The following TK1 variants were observed in gnomAD, a reference collection of about 807,000 sequenced individuals.
The protein encoded by TK1 is thymidine kinase, cytosolic.
In TK1, 13 loss-of-function variants were observed where a neutral mutation model predicts 22.4. That is an observed-to-expected ratio of 0.58 (90% confidence interval 0.38 to 0.92). The LOEUF (loss-of-function observed/expected upper bound fraction) is 0.92, where lower values mean the gene tolerates loss of function less well. Among genes scored for constraint, TK1 ranks in the 40% least tolerant of loss-of-function variants. TK1 has a pLI of 0.00. For missense variants in TK1, 251 were observed against 315.7 expected (o/e 0.80, Z 1.55); for synonymous variants, 134 against 125.4 (o/e 1.07, Z -0.46).
At chr17:78,175,800 C>T (rs887551684) in intron 4 of TK1, among the ~76,000 whole-genome samples, 182 bp from the exon 5 acceptor site, 3 of 152,174 alleles carry the variant, frequency 2.0e-5, no homozygotes, top group Admixed American at 6.5e-5. Context: ...CCCCAGCAGA[C>T]GACAGGTACA....
Position 78,174,823 on chromosome 17 carries a change from TC to T in TK1, c.640del (p.Glu214LysfsTer87), listed in dbSNP as rs1567829594. On this transcript the variant is annotated frameshift_variant, in exon 7 of 7. Coordinates refer to ENST00000301634, the MANE Select transcript of TK1 (RefSeq NM_003258.5). LOFTEE classifies it high-confidence loss of function. ...ENCPVPGKPG[E>X]AVAARKLFAP... Reference sequence around the variant, plus strand: ...AAAGAGCTTCCTGGCAGCCACGGCTTCCCCTGGCTTTCCTGGCACTGGGCAG... The same window carrying T: ...AAAGAGCTTCCTGGCAGCCACGGCTTCCCTGGCTTTCCTGGCACTGGGCAG... 1 of 1,613,340 alleles carries T rather than the reference TC, an allele frequency of 6.2e-7. No homozygotes were observed. The highest frequency in any genetic ancestry group is 8.5e-7 in the Non-Finnish European group (1 of 1,179,652).
In TK1 at chr17:78,174,415, G is replaced by GA; in HGVS notation, c.*343dup. On this transcript the variant is annotated 3_prime_UTR_variant, in exon 7 of 7. Transcript: ENST00000301634. ...CCAGGGAGAACAGAAACTCAGCAGT[G>GA]AAAGCCGCAGAGGGGAAGAAGCAGG... The GA allele has an allele frequency of 3.7e-6, 1 of 271,962 alleles. No individual in the cohort carries two copies. 16.8% of individuals were successfully genotyped at this position (271,962 alleles called of 1,614,324 possible).
chr17:78,175,792 C>G (rs1049695482), intron 4 of TK1, among the ~76,000 whole-genome samples, 174 bp from the exon 5 acceptor site: 9 of 152,178 alleles, frequency 5.9e-5, no homozygotes, highest in Non-Finnish European at 1.3e-4. Context: ...CGCACGCCCC[C>G]CAGCAGACGA....
intron 4 of TK1, among the ~76,000 whole-genome samples, chr17:78,177,619 G>A (rs1241972097): frequency 6.6e-6 from 1 of 151,406 alleles, no homozygotes; most frequent in Non-Finnish European, 1.5e-5. Context: ...TGTCGCCCAG[G>A]CTGGAGTGCA....
At chr17:78,176,216 C>T (rs2075698530) in intron 4 of TK1, among the ~76,000 whole-genome samples, 1 of 151,090 alleles carries the variant, frequency 6.6e-6, no homozygotes, top group Non-Finnish European at 1.5e-5. Flanking sequence ...AAATTCAGGA[C>T]CTGCACAGAG....
At chr17:78,182,371 CAAAAAAAA>C (rs560357822) in intron 4 of TK1, among the ~76,000 whole-genome samples, 1 of 82,246 alleles carries the variant, frequency 1.2e-5, no homozygotes, top group South Asian at 3.9e-4. Context: ...AACTCCGTCT[CAAAAAAAA>C]AAAAAAAAAA....
chr17:78,182,583 A>G lies in TK1; in HGVS notation c.303+6T>C, dbSNP rs1051792127. ...GGAAGAGTGATGCCAAGACAAGCCA[A>G]CTTACAAACTGCCCCTCGTCGATGC... On this transcript the variant is annotated splice_donor_region_variant and intron_variant, in intron 4 of 6. Transcript: ENST00000301634. 1.9e-6 allele frequency: 3 copies of G among 1,570,524 alleles called. No individual in the cohort carries two copies. The highest frequency in any genetic ancestry group is 1.4e-5 in the African/African-American group (1 of 73,950).
intron 2 of TK1, 41 bp downstream of exon 2, chr17:78,186,746 G>T: frequency 3.2e-6 from 5 of 1,563,100 alleles, no homozygotes; most frequent in Non-Finnish European, 4.3e-6. Flanking sequence ...GGTCCCCGGA[G>T]AAGAGGAAGG....
At chr17:78,185,220 A>G in intron 2 of TK1, 55 bp from the exon 3 acceptor site, 1 of 1,388,554 alleles carries the variant, frequency 7.2e-7, no homozygotes. Flanking sequence ...TGGGAGAAGG[A>G]GACCCCTCCC....
intron 4 of TK1, among the ~76,000 whole-genome samples, chr17:78,177,564 C>T (rs1205608387): frequency 6.7e-6 from 1 of 148,748 alleles, no homozygotes; most frequent in African/African-American, 2.5e-5. Flanking sequence ...ACAGAAAACA[C>T]AAAAAGGTCT....
At position 78,186,940 on chromosome 17, in the gene TK1, C is replaced by G. The variant is rs1396700072; in HGVS notation, c.55G>C (p.Gly19Arg). ...GCTGGCCCCCGCACCTGGATCTGCC[C>G]CCGGGTCTTGCTGGGGGAGCCAGGC... ...VLPGSPSKTR[G>R]QIQVILGPMF... Residue 19 changes from glycine to arginine, a missense_variant, in exon 1 of 7, where the codon GGG becomes CGG. Gly to Arg is a moderately radical substitution (Grantham distance 125). Coordinates refer to ENST00000301634, the MANE Select transcript of TK1 (RefSeq NM_003258.5). The G allele has an allele frequency of 6.4e-7, 1 of 1,571,244 alleles. No individual in the cohort carries two copies. The highest frequency in any genetic ancestry group is 8.6e-7 in the Non-Finnish European group (1 of 1,158,482).
chr17:78,186,815 T>C lies in TK1; in HGVS notation c.70A>G (p.Ile24Val). 6.3e-7 allele frequency: 1 copy of C among 1,583,852 alleles called. No individual in the cohort carries two copies. Among genetic ancestry groups the C allele is most frequent in the Non-Finnish European group, 8.6e-7 (1 of 1,165,414 alleles). The change falls in exon 2 of 7, where the codon ATT (isoleucine) becomes GTT (valine). Residue 24 changes from isoleucine (I) to valine (V), a missense_variant. By Grantham distance (29) the Ile-to-Val change is conservative (BLOSUM62 3). Coordinates refer to ENST00000301634, the MANE Select transcript of TK1 (RefSeq NM_003258.5). ...TTTCCTGAGAACATCGGCCCGAGAATCACCTAGGAGAGAAGGTGAGGTCAT... is the reference window on the plus strand; with the variant it reads ...TTTCCTGAGAACATCGGCCCGAGAACCACCTAGGAGAGAAGGTGAGGTCAT... ...PSKTRGQIQVILGPMFSGKST... is the reference protein window; with the variant it reads ...PSKTRGQIQVVLGPMFSGKST...
At position 78,174,821 on chromosome 17, in the gene TK1, C is replaced by T; in HGVS notation, c.643G>A (p.Ala215Thr). Reference sequence around the variant, plus strand: ...GCAAAGAGCTTCCTGGCAGCCACGGCTTCCCCTGGCTTTCCTGGCACTGGG... The same window carrying T: ...GCAAAGAGCTTCCTGGCAGCCACGGTTTCCCCTGGCTTTCCTGGCACTGGG... ...NCPVPGKPGEAVAARKLFAPQ... is the reference protein window; with the variant it reads ...NCPVPGKPGETVAARKLFAPQ... The change falls in exon 7 of 7, where the codon GCC becomes ACC. Residue 215 changes from alanine (A) to threonine (T), a missense_variant. Physicochemically the swap from Ala to Thr is moderately conservative, Grantham distance 58. Transcript: ENST00000301634. 6.2e-7 allele frequency: 1 copy of T among 1,613,256 alleles called. No individual in the cohort carries two copies. The highest frequency in any genetic ancestry group is 8.5e-7 in the Non-Finnish European group (1 of 1,179,600).
Position 78,174,673 on chromosome 17 carries a change from TC to T in TK1, c.*85del. ...TGGTCACCCTCCACGCCTCCCGACT[TC>T]CTCCTGGAGTGGCTGGGCAGCATGC... is the stretch of plus-strand genomic sequence containing the variant. On this transcript the variant is annotated 3_prime_UTR_variant, in exon 7 of 7. Coordinates refer to ENST00000301634, the MANE Select transcript of TK1 (RefSeq NM_003258.5). The T allele has an allele frequency of 6.9e-7, 1 of 1,441,062 alleles. No homozygotes were observed. Among genetic ancestry groups the T allele is most frequent in the South Asian group, 1.4e-5 (1 of 70,262 alleles). 89.3% of individuals were successfully genotyped at this position (1,441,062 alleles called of 1,614,324 possible).
At position 78,187,040 on chromosome 17, in the gene TK1, C is replaced by T; in HGVS notation, c.-46G>A. 1 of 1,572,672 alleles carries T rather than the reference C, an allele frequency of 6.4e-7. No individual in the cohort carries two copies. The highest frequency in any genetic ancestry group is 8.7e-7 in the Non-Finnish European group (1 of 1,153,260). On this transcript the variant is annotated 5_prime_UTR_variant, in exon 1 of 7. Coordinates refer to ENST00000301634, the MANE Select transcript of TK1 (RefSeq NM_003258.5). Reference sequence around the variant, plus strand: ...GAACCCGAGTACTCTCCAAGGCCGTCCCGCAGTAAGCCCCTGGTTCCCGCG... The same window carrying T: ...GAACCCGAGTACTCTCCAAGGCCGTTCCGCAGTAAGCCCCTGGTTCCCGCG...
At chr17:78,178,899 G>A (rs2145824529) in intron 4 of TK1, among the ~76,000 whole-genome samples, 1 of 152,292 alleles carries the variant, frequency 6.6e-6, no homozygotes, top group South Asian at 2.1e-4. Flanking sequence ...GGCACACAGA[G>A]GCCAGGGCAG....
chr17:78,186,677 G>GGGAAGGGAAC, intron 2 of TK1, 110 bp downstream of exon 2: 1 of 986,736 alleles, frequency 1.0e-6, no homozygotes, highest in South Asian at 1.6e-5. Context: ...GGGAAGGGGA[G>GGGAAGGGAAC]GGAAGGGAAG....
At chr17:78,178,237 C>T (rs997043617) in intron 4 of TK1, among the ~76,000 whole-genome samples, 6 of 152,204 alleles carry the variant, frequency 3.9e-5, no homozygotes, top group African/African-American at 1.2e-4. Context: ...AAGCCCACCA[C>T]ACACTGTGCA....
intron 2 of TK1, 143 bp downstream of exon 2, chr17:78,186,644 C>T (rs2075798113): frequency 2.4e-6 from 2 of 825,330 alleles, no homozygotes; most frequent in South Asian, 3.4e-5. Context: ...CTGTAGGAGG[C>T]TGTGCTGGTC....
Sources: allele counts gnomAD v4.1 joint callset (sites outside exome capture counted in the v4.1 genomes callset), GRCh38; gene constraint gnomAD v4.1.1; transcripts MANE v1.5; gene names NCBI Gene and HGNC (gene_info 2026-07-23, HGNC 2026-07-21).